Variants in SEMA5A observed in about 807,000 individuals in gnomAD.
SEMA5A encodes the protein semaphorin 5A.
Under a neutral mutation model 135.5 loss-of-function variants are expected in SEMA5A, and 55 were observed. The observed-to-expected ratio is 0.41, with a 90% CI of 0.33 to 0.51. SEMA5A has a LOEUF of 0.51. Ranked by LOEUF, SEMA5A falls within the 20% of genes least tolerant of loss-of-function variation. The pLI is 0.37. For synonymous variants in SEMA5A, 580 were observed against 546.5 expected (o/e 1.06, Z -0.85); for missense variants, 1,290 against 1,419.9 (o/e 0.91, Z 1.47).
At chr5:9,319,040 C>CA (rs1314133997) in intron 4 of SEMA5A, among the ~76,000 whole-genome samples, 2 of 151,674 alleles carry the variant, frequency 1.3e-5, no homozygotes, top group East Asian at 1.9e-4. Context: ...TCTGTCTCTA[C>CA]AAAAAATACA....
rs3086524 is a variant in SEMA5A at position 9,374,622 on chromosome 5, CGTGTGT to C, written c.124+5195_124+5200del. Among the ~76,000 whole-genome samples, 1,344 of 147,158 alleles carry C rather than the reference CGTGTGT, an allele frequency of 9.1e-3. 24 individuals are homozygous for C. The highest frequency in any genetic ancestry group is 0.031 in the African/African-American group (1,226 of 40,056). On this transcript the variant is annotated intron_variant, in intron 3 of 22. Coordinates refer to ENST00000382496, the MANE Select transcript of SEMA5A (RefSeq NM_003966.3). ...CTGGGTGCATAACATCACAAGACAT[CGTGTGT>C]GTGTGTGTGTGTGTGTGTGTGTGTG...
chr5:9,398,187 A>G (rs913318889), intron 2 of SEMA5A, among the ~76,000 whole-genome samples: 2 of 152,200 alleles, frequency 1.3e-5, no homozygotes, highest in Non-Finnish European at 2.9e-5. Context: ...CTGAGATGAA[A>G]ACAGAAAAAC....
At chr5:9,503,945 G>A (rs1388694002) in intron 1 of SEMA5A, among the ~76,000 whole-genome samples, 1 of 152,034 alleles carries the variant, frequency 6.6e-6, no homozygotes, top group Non-Finnish European at 1.5e-5. Flanking sequence ...GGCTGGGCGC[G>A]GTGGCTCATG....
chr5:9,101,246 T>C (rs1023653842), intron 16 of SEMA5A, among the ~76,000 whole-genome samples: 3 of 152,206 alleles, frequency 2.0e-5, no homozygotes, highest in African/African-American at 7.2e-5. Flanking sequence ...CAATTACTTA[T>C]CAAATATTAG....
intron 16 of SEMA5A, among the ~76,000 whole-genome samples, chr5:9,077,572 G>C (rs1738135174): frequency 6.6e-6 from 1 of 152,158 alleles, no homozygotes; most frequent in Non-Finnish European, 1.5e-5. Context: ...GCTCTAAGTA[G>C]CTACAGTACT....
chr5:9,221,083 C>A (rs1343787521), intron 8 of SEMA5A, among the ~76,000 whole-genome samples: 1 of 152,128 alleles, frequency 6.6e-6, no homozygotes, highest in East Asian at 1.9e-4. Context: ...CCCATTGTAG[C>A]CTCCTTCCGC....
At chr5:9,429,989 G>T (rs1412566422) in intron 2 of SEMA5A, among the ~76,000 whole-genome samples, 1 of 152,200 alleles carries the variant, frequency 6.6e-6, no homozygotes, top group Non-Finnish European at 1.5e-5. Flanking sequence ...GCAGCGAGAC[G>T]GCCGGAAGAC....
At chr5:9,393,615 C>G (rs174861) in intron 2 of SEMA5A, among the ~76,000 whole-genome samples, 63,798 of 151,936 alleles carry the variant, frequency 0.42, 13,998 homozygotes, top group African/African-American at 0.52. Context: ...CTGGCAATTA[C>G]GAAGCACTAA....
chr5:9,075,123 CA>C lies in SEMA5A; in HGVS notation c.2074-8478del, dbSNP rs563340588. ...AAAAATGTGAAAACAATATTATAAC[CA>C]AAAAGTTGAGTATTTCTAAGTAGAA... is the stretch of plus-strand genomic sequence containing the variant. On this transcript the variant is annotated intron_variant, in intron 16 of 22. Coordinates refer to ENST00000382496, the MANE Select transcript of SEMA5A (RefSeq NM_003966.3). Among the ~76,000 whole-genome samples the C allele has an allele frequency of 2.1e-3, 315 of 152,092 alleles. 2 individuals are homozygous for C. Among genetic ancestry groups the C allele is most frequent in the Non-Finnish European group, 2.1e-3 (141 of 67,984 alleles).
intron 1 of SEMA5A, among the ~76,000 whole-genome samples, chr5:9,535,437 A>G (rs1025487968): frequency 6.6e-6 from 1 of 152,042 alleles, no homozygotes; most frequent in Non-Finnish European, 1.5e-5. Flanking sequence ...CTCTCTCTAT[A>G]TGGGGCCCCT....
chr5:9,127,327 G>C (rs74816172), intron 13 of SEMA5A, among the ~76,000 whole-genome samples: 7,474 of 152,228 alleles, frequency 0.049, 194 homozygotes, highest in Middle Eastern at 0.12. Flanking sequence ...ATTAACCCAA[G>C]TTCTGGGAAT....
chr5:9,341,133 A>G lies in SEMA5A; in HGVS notation c.125-3321T>C, dbSNP rs1250983125. Among the ~76,000 whole-genome samples the G allele has an allele frequency of 9.9e-5, 15 of 151,892 alleles. 1 individual carries two copies. Among genetic ancestry groups the G allele is most frequent in the Admixed American group, 8.5e-4 (13 of 15,216 alleles). ...CTTCAAAAACCCCAATAAAATGCAT[A>G]ATAAACTTCCAAGTACAATATAGCA... On this transcript the variant is annotated intron_variant, in intron 3 of 22. Transcript: ENST00000382496.
intron 1 of SEMA5A, among the ~76,000 whole-genome samples, chr5:9,521,961 C>T (rs961400252): frequency 1.4e-4 from 21 of 152,088 alleles, no homozygotes; most frequent in African/African-American, 5.1e-4. Context: ...CTTTAGGGGT[C>T]CAGGGTGCCA....
intron 13 of SEMA5A, among the ~76,000 whole-genome samples, chr5:9,128,349 G>A (rs1439484883): frequency 5.3e-5 from 8 of 152,208 alleles, no homozygotes; most frequent in African/African-American, 1.9e-4. Context: ...AGACTCAAGA[G>A]GACACTGCAA....
intron 16 of SEMA5A, among the ~76,000 whole-genome samples, chr5:9,074,518 G>A (rs1737941003): frequency 6.6e-6 from 1 of 152,074 alleles, no homozygotes; most frequent in South Asian, 2.1e-4. Flanking sequence ...AGAAGTTTCT[G>A]CCTTTTAAGG....
intron 13 of SEMA5A, among the ~76,000 whole-genome samples, chr5:9,124,995 G>C (rs146453428): frequency 1.4e-3 from 216 of 152,196 alleles, no homozygotes; most frequent in African/African-American, 4.7e-3. Context: ...CATTCTCTTC[G>C]GGTTACAAAC....
chr5:9,098,652 A>G lies in SEMA5A; in HGVS notation c.2073+9488T>C, dbSNP rs151268730. On this transcript the variant is annotated intron_variant, in intron 16 of 22. Transcript: ENST00000382496. ...AGACATGGGTTCCATCTGACTGAGC[A>G]TTTGCTATGCCTTTAACAGAATCTG... is the stretch of plus-strand genomic sequence containing the variant. Among the ~76,000 whole-genome samples the G allele has an allele frequency of 1.8e-3, 274 of 152,296 alleles. 2 individuals are homozygous for G. The highest frequency in any genetic ancestry group is 6.3e-3 in the African/African-American group (263 of 41,568).
chr5:9,386,842 A>G (rs1249133071), intron 2 of SEMA5A, among the ~76,000 whole-genome samples: 1 of 152,220 alleles, frequency 6.6e-6, no homozygotes, highest in African/African-American at 2.4e-5. Context: ...AATGAACCTG[A>G]GAAAACAGAG....
chr5:9,068,420 T>C (rs1452913493), intron 16 of SEMA5A, among the ~76,000 whole-genome samples: 1 of 152,144 alleles, frequency 6.6e-6, no homozygotes, highest in Non-Finnish European at 1.5e-5. Context: ...GGCTGAGCCA[T>C]GGAGGATCTG....
Sources: allele counts gnomAD v4.1 joint callset (sites outside exome capture counted in the v4.1 genomes callset), GRCh38; gene constraint gnomAD v4.1.1; transcripts MANE v1.5; gene names NCBI Gene and HGNC (gene_info 2026-07-23, HGNC 2026-07-21).